SSUH2: variants seen among roughly 807,000 people sequenced by gnomAD.
The protein encoded by SSUH2 is protein SSUH2 homolog.
SSUH2 carries 47 observed loss-of-function variants against 55.3 expected under a neutral mutation model. That is an observed-to-expected ratio of 0.85 (90% CI 0.67 to 1.08). The LOEUF (loss-of-function observed/expected upper bound fraction) is 1.08, where lower values mean the gene tolerates loss of function less well. SSUH2 is among the 50% of genes least tolerant of loss of function. The probability of loss-of-function intolerance (pLI) is 0.00; values close to 1 mark genes in which losing one functional copy is unlikely to be tolerated. For missense variants in SSUH2, 535 were observed against 490.7 expected, an observed-to-expected ratio of 1.09 and a Z score of -0.85; for synonymous variants, 212 against 191.5, an observed-to-expected ratio of 1.11 and a Z score of -0.89.
chr3:8,657,785 T>G (rs1266231544), intron 7 of SSUH2, among the ~76,000 whole-genome samples: 3 of 152,226 alleles, frequency 2.0e-5, no homozygotes, highest in African/African-American at 4.8e-5. Context: ...TTCAGTTCTG[T>G]AGACTCCGAC....
intron 5 of SSUH2, among the ~76,000 whole-genome samples, chr3:8,668,957 G>C (rs1704254533): frequency 6.6e-6 from 1 of 151,806 alleles, no homozygotes; most frequent in Non-Finnish European, 1.5e-5. Flanking sequence ...TGGGAGGGAG[G>C]GAGGGAAGGA....
rs569293011 is a variant in SSUH2, at chr3:8,674,872, G to C, written c.-753+2334C>G. 7.2e-5 allele frequency among the ~76,000 whole-genome samples: 11 copies of C among 152,170 alleles called. No homozygotes were observed. In the East Asian group the frequency reaches 1.9e-3, roughly 27 times the overall value. On this transcript the variant is annotated intron_variant, in intron 3 of 18. Transcript: ENST00000317371. ...CTGGCCAAGCGGTGGCCAAGGGTCC[G>C]GGCGGAAGACAACCCTCTGGGATTG...
chr3:8,629,049 C>T (rs529611440), intron 7 of SSUH2, among the ~76,000 whole-genome samples: 114 of 152,068 alleles, frequency 7.5e-4, no homozygotes, highest in Non-Finnish European at 1.1e-3. Context: ...TTAGTAGAGA[C>T]GGGGTTTCAC....
At chr3:8,647,962 C>T (rs531401078), upstream of SSUH2, among the ~76,000 whole-genome samples, 4 of 152,260 alleles carry the variant, frequency 2.6e-5, no homozygotes, top group South Asian at 2.1e-4. Context: ...AGGAGGTTCT[C>T]GAAACACCAT....
chr3:8,634,109 T>A (rs572370412), intron 3 of SSUH2: 2 of 749,372 alleles, frequency 2.7e-6, no homozygotes, highest in Non-Finnish European at 2.1e-6. Flanking sequence ...ATTTTATAGA[T>A]AAGAAAAACA....
chr3:8,635,887 G>C (rs1415572240), intron 1 of SSUH2, 30 bp from the exon 2 acceptor site: 1 of 1,527,806 alleles, frequency 6.5e-7, no homozygotes, highest in African/African-American at 1.4e-5. Context: ...CCTAAGCCTT[G>C]GGTAGGGAGG....
At chr3:8,679,447 G>GAT (rs1559573412) in intron 2 of SSUH2, among the ~76,000 whole-genome samples, 4 of 138,350 alleles carry the variant, frequency 2.9e-5, no homozygotes, top group African/African-American at 7.8e-5. Flanking sequence ...CATCACAGCG[G>GAT]GGGGAGGCAC....
At chr3:8,636,158 T>C (rs77225099) in intron 1 of SSUH2, among the ~76,000 whole-genome samples, 402 of 152,340 alleles carry the variant, frequency 2.6e-3, no homozygotes, top group African/African-American at 9.5e-3. Context: ...TGGCCACATA[T>C]TCTTTGATGC....
At chr3:8,634,457 T>C (rs1397327090) in intron 3 of SSUH2, 6 of 1,289,914 alleles carry the variant, frequency 4.7e-6, no homozygotes, top group East Asian at 5.5e-5. Context: ...TCCCCTTGCA[T>C]CTTCATGCAT....
chr3:8,673,659 G>T (rs942109292), intron 3 of SSUH2, among the ~76,000 whole-genome samples: 14 of 152,190 alleles, frequency 9.2e-5, no homozygotes, highest in African/African-American at 3.4e-4. Context: ...GGCGGAGAGG[G>T]CTCCACGCAG....
Position 8,663,174 on chromosome 3 carries a change from C to A in SSUH2, c.-396+570G>T, listed in dbSNP as rs138720665. On this transcript the variant is annotated intron_variant, in intron 6 of 18. Coordinates refer to the SSUH2 transcript ENST00000317371. ...CAGGGACAGCTATTATCATTATTAT[C>A]CCCATTTTACAGCTCATAAAGCTAA... is the stretch of plus-strand genomic sequence containing the variant. 3.8e-3 allele frequency among the ~76,000 whole-genome samples: 576 copies of A among 152,322 alleles called. 3 individuals are homozygous for A. The highest frequency in any genetic ancestry group is 0.022 in the South Asian group (106 of 4,824).
At chr3:8,667,647 C>T (rs1285901507) in intron 5 of SSUH2, among the ~76,000 whole-genome samples, 2 of 152,192 alleles carry the variant, frequency 1.3e-5, no homozygotes, top group Non-Finnish European at 2.9e-5. Flanking sequence ...ATGGAGGCTT[C>T]ATTACACAGG....
At chr3:8,652,923 C>T (rs560693834) in intron 7 of SSUH2, among the ~76,000 whole-genome samples, 4 of 152,214 alleles carry the variant, frequency 2.6e-5, no homozygotes, top group Non-Finnish European at 2.9e-5. Context: ...CCCTTTCCCT[C>T]AGGCCATCTC....
rs1431554015 is a variant in SSUH2 at position 8,676,868 on chromosome 3, AGG to A, written c.-753+336_-753+337del. 2.0e-3 allele frequency among the ~76,000 whole-genome samples: 222 copies of A among 113,234 alleles called. 4 individuals are homozygous for A. The highest frequency in any genetic ancestry group is 3.7e-3 in the South Asian group (12 of 3,206). The allele number at this position is 113,234 out of a possible 152,430, so 74.3% of individuals were successfully genotyped here. On this transcript the variant is annotated intron_variant, in intron 3 of 18. Transcript: ENST00000317371. ...GCCCTTAGGACCCCCATCGCAGGGG[AGG>A]AGGCATCCCCCGTGAGGCGGGGACA...
At chr3:8,630,375 A>C (rs1698520069) in intron 6 of SSUH2, among the ~76,000 whole-genome samples, 1 of 152,258 alleles carries the variant, frequency 6.6e-6, no homozygotes. Flanking sequence ...TATGTCCATA[A>C]AGCAGGATGG....
rs1431327188 is a variant in SSUH2, at chr3:8,625,530, A to G, written c.873+12T>C. The G allele has an allele frequency of 6.4e-7, 1 of 1,572,174 alleles. No individual in the cohort carries two copies. The highest frequency in any genetic ancestry group is 8.8e-7 in the Non-Finnish European group (1 of 1,142,438). Reference sequence around the variant, plus strand: ...CCAGCTTCCTTTGTTCCCATCTACAATGCCCTCTTACCACCGAGTTTTCAT... The same window carrying G: ...CCAGCTTCCTTTGTTCCCATCTACAGTGCCCTCTTACCACCGAGTTTTCAT... On this transcript the variant is annotated intron_variant, in intron 10 of 11. Coordinates refer to ENST00000544814, the MANE Select transcript of SSUH2 (RefSeq NM_001256748.3).
intron 1 of SSUH2, among the ~76,000 whole-genome samples, chr3:8,637,767 C>T (rs868808315): frequency 7.9e-5 from 12 of 152,164 alleles, no homozygotes; most frequent in Non-Finnish European, 1.3e-4. Context: ...AAGGGGACAC[C>T]GTCTGTCTCA....
Position 8,678,907 on chromosome 3 carries a change from C to A in SSUH2, c.-901+798G>T, listed in dbSNP as rs1181156976. Among the ~76,000 whole-genome samples the A allele has an allele frequency of 2.6e-5, 3 of 116,494 alleles. 1 individual carries two copies. Among genetic ancestry groups the A allele is most frequent in the African/African-American group, 8.8e-5 (3 of 34,280 alleles). The allele number at this position is 116,494 out of a possible 152,430, so 76.4% of individuals were successfully genotyped here. ...CCATTGCAAGGGAGGGAGGCACCCCCCGCCAGGCGGGGACTGAGAGCCAGC... is the reference window on the plus strand; with the variant it reads ...CCATTGCAAGGGAGGGAGGCACCCCACGCCAGGCGGGGACTGAGAGCCAGC... On this transcript the variant is annotated intron_variant, in intron 2 of 18. Transcript: ENST00000317371.
At chr3:8,634,483 C>A (rs748663238) in intron 3 of SSUH2, 1 of 1,289,858 alleles carries the variant, frequency 7.8e-7, no homozygotes, top group South Asian at 1.2e-5. Flanking sequence ...CATGGCAGCC[C>A]TGAGAGCCAT....
Sources: allele counts gnomAD v4.1 joint callset (sites outside exome capture counted in the v4.1 genomes callset), GRCh38; gene constraint gnomAD v4.1.1; transcripts MANE v1.5; gene names NCBI Gene and HGNC (gene_info 2026-07-23, HGNC 2026-07-21).